Variants in TPST1 observed in about 807,000 individuals in gnomAD.
TPST1 encodes protein-tyrosine sulfotransferase 1.
Under a neutral mutation model 34.8 loss-of-function variants are expected in TPST1, and 20 were observed. That is an observed-to-expected ratio of 0.57 (90% confidence interval 0.40 to 0.84). TPST1 has a LOEUF of 0.84. TPST1 is among the 40% of genes least tolerant of loss of function. TPST1 has a pLI of 0.00. For synonymous variants in TPST1, 152 were observed against 159.4 expected, an observed-to-expected ratio of 0.95 and a Z score of 0.35; for missense variants, 353 against 455.5, an observed-to-expected ratio of 0.78 and a Z score of 2.05.
chr7:66,273,706 T>G (rs1790747512), intron 2 of TPST1, among the ~76,000 whole-genome samples: 1 of 152,144 alleles, frequency 6.6e-6, no homozygotes, highest in African/African-American at 2.4e-5. Flanking sequence ...TTGGGAAAAC[T>G]GGATATCCAC....
chr7:66,216,349 G>T (rs924258365), intron 1 of TPST1, among the ~76,000 whole-genome samples: 8 of 152,022 alleles, frequency 5.3e-5, no homozygotes, highest in African/African-American at 1.7e-4. Context: ...TAATTTTGCT[G>T]ATCTTTTCAA....
upstream of TPST1, among the ~76,000 whole-genome samples, chr7:66,202,673 C>T (rs1789045182): frequency 6.6e-6 from 1 of 152,152 alleles, no homozygotes; most frequent in Non-Finnish European, 1.5e-5. Context: ...ATGTAGAAAG[C>T]AGAATGTAAC....
chr7:66,240,176 C>T (rs987543006), intron 1 of TPST1, 149 bp from the exon 2 acceptor site: 11 of 439,554 alleles, frequency 2.5e-5, no homozygotes, highest in Admixed American at 1.5e-4. Flanking sequence ...TGTGAGCCAC[C>T]GCGCCCGGTC....
chr7:66,296,666 T>C (rs1037747065), intron 3 of TPST1, among the ~76,000 whole-genome samples: 2 of 133,122 alleles, frequency 1.5e-5, no homozygotes, highest in Non-Finnish European at 1.6e-5. Context: ...AGCCTAAAAA[T>C]ACTGGGTTGG....
chr7:66,277,282 C>T (rs997280600), intron 2 of TPST1, among the ~76,000 whole-genome samples: 2 of 152,152 alleles, frequency 1.3e-5, no homozygotes, highest in African/African-American at 2.4e-5. Flanking sequence ...TGAAACCCTT[C>T]CCAATTTCAA....
At chr7:66,239,641 A>T (rs1277174161) in intron 1 of TPST1, among the ~76,000 whole-genome samples, 1 of 152,244 alleles carries the variant, frequency 6.6e-6, no homozygotes, top group Non-Finnish European at 1.5e-5. Context: ...GCAAGTCTGA[A>T]TAGCAGAGAT....
intron 3 of TPST1, among the ~76,000 whole-genome samples, chr7:66,324,856 T>C (rs2116227066): frequency 6.9e-6 from 1 of 144,450 alleles, no homozygotes; most frequent in African/African-American, 2.5e-5. Context: ...ATATCTGAAA[T>C]GTGGTTTACA....
At chr7:66,318,262 C>G (rs1443583602) in intron 3 of TPST1, among the ~76,000 whole-genome samples, 1 of 152,070 alleles carries the variant, frequency 6.6e-6, no homozygotes, top group Non-Finnish European at 1.5e-5. Context: ...CTGATAACTA[C>G]CCTTTTAATG....
chr7:66,330,838 TC>T (rs1177411551), intron 3 of TPST1, among the ~76,000 whole-genome samples: 15 of 152,232 alleles, frequency 9.9e-5, no homozygotes, highest in Non-Finnish European at 1.6e-4. Context: ...GGAACTTTAC[TC>T]CTGATACCAA....
intron 4 of TPST1, among the ~76,000 whole-genome samples, chr7:66,356,360 G>C (rs888571830): frequency 7.9e-5 from 12 of 152,158 alleles, no homozygotes; most frequent in African/African-American, 1.4e-4. Flanking sequence ...TTCACCAACC[G>C]GGAAGTGCCA....
chr7:66,298,643 T>C (rs1791250087), intron 3 of TPST1, among the ~76,000 whole-genome samples: 1 of 152,190 alleles, frequency 6.6e-6, no homozygotes. Flanking sequence ...TTGCTATTTG[T>C]TTTTTATTTG....
At chr7:66,340,301 T>A (rs537700551) in intron 3 of TPST1, among the ~76,000 whole-genome samples, 1 of 152,240 alleles carries the variant, frequency 6.6e-6, no homozygotes, top group East Asian at 1.9e-4. Context: ...AAAAGCTGAA[T>A]AATGAATAAT....
rs1429239025 is a variant in TPST1 at position 66,240,350 on chromosome 7, CTGT to C, written c.-75_-73del. ...ATGTTGGTTATCTTTCTGAAGTAGACTGTCCATGGCCTGAACATTTTCCGAAAA... is the reference window on the plus strand; with the variant it reads ...ATGTTGGTTATCTTTCTGAAGTAGACCCATGGCCTGAACATTTTCCGAAAA... On this transcript the variant is annotated 5_prime_UTR_variant, in exon 2 of 6. Transcript: ENST00000304842. 2.0e-6 allele frequency: 3 copies of C among 1,504,538 alleles called. No individual in the cohort carries two copies. Among genetic ancestry groups the C allele is most frequent in the Non-Finnish European group, 2.7e-6 (3 of 1,121,256 alleles). The allele number at this position is 1,504,538 out of a possible 1,614,324, so 93.2% of individuals were successfully genotyped here. A position where few individuals can be genotyped will look rare whatever the true frequency, so the allele number is the denominator to read the frequency against.
At chr7:66,311,246 C>T (rs2116121480) in intron 3 of TPST1, among the ~76,000 whole-genome samples, 1 of 152,230 alleles carries the variant, frequency 6.6e-6, no homozygotes, top group East Asian at 1.9e-4. Context: ...TCAAGCCATC[C>T]TCCCACCTCA....
intron 2 of TPST1, among the ~76,000 whole-genome samples, chr7:66,242,409 T>G (rs1055586154): frequency 6.6e-6 from 1 of 152,176 alleles, no homozygotes; most frequent in African/African-American, 2.4e-5. Flanking sequence ...CTTAATTTTT[T>G]TTTGCTGTAT....
intron 3 of TPST1, among the ~76,000 whole-genome samples, chr7:66,324,772 GCC>G (rs1791825108): frequency 2.2e-5 from 3 of 133,940 alleles, no homozygotes. Context: ...CTGCACTCCA[GCC>G]TGGGTGACAG....
chr7:66,199,396 G>T, the TPST1 span, among the ~76,000 whole-genome samples: 1 of 148,982 alleles, frequency 6.7e-6, no homozygotes, highest in Non-Finnish European at 1.5e-5. Flanking sequence ...CTGGGTTCAA[G>T]TGATTCTCCT....
At chr7:66,286,824 T>TTTTTTTTTG in intron 3 of TPST1, 115 bp downstream of exon 3, 6 of 624,668 alleles carry the variant, frequency 9.6e-6, no homozygotes, top group East Asian at 3.8e-5. Flanking sequence ...TATATTTTTT[T>TTTTTTTTTG]TTTTTTTCAT....
chr7:66,313,168 C>T (rs1791565282), intron 3 of TPST1, among the ~76,000 whole-genome samples: 1 of 152,024 alleles, frequency 6.6e-6, no homozygotes, highest in Admixed American at 6.5e-5. Flanking sequence ...GTAATCCCAG[C>T]ACTTTGGGTG....
Sources: allele counts gnomAD v4.1 joint callset (sites outside exome capture counted in the v4.1 genomes callset), GRCh38; gene constraint gnomAD v4.1.1; transcripts MANE v1.5; gene names NCBI Gene and HGNC (gene_info 2026-07-23, HGNC 2026-07-21).